The following NPTN variants were observed in gnomAD, a reference collection of about 807,000 sequenced individuals.
NPTN encodes the protein SDR-1.
NPTN carries 5 observed loss-of-function variants against 42.7 expected under a neutral mutation model. The ratio of observed to expected loss-of-function variants is 0.12; its 90% CI spans 0.06 to 0.25. The LOEUF (loss-of-function observed/expected upper bound fraction) is 0.25, where lower values mean the gene tolerates loss of function less well. Ranked by LOEUF, NPTN falls within the 10% of genes least tolerant of loss-of-function variation. NPTN has a pLI of 1.00. For missense variants in NPTN, 307 were observed against 525.4 expected, an observed-to-expected ratio of 0.58 and a Z score of 4.06; for synonymous variants, 180 against 201.9, an observed-to-expected ratio of 0.89 and a Z score of 0.92.
chr15:73,575,826 G>A (rs894433012), intron 4 of NPTN, among the ~76,000 whole-genome samples: 1 of 152,254 alleles, frequency 6.6e-6, no homozygotes, highest in African/African-American at 2.4e-5. Context: ...CACTGGGCAA[G>A]GCCCCAAGCT....
chr15:73,568,496 C>T (rs1024158256), intron 6 of NPTN: 1 of 985,230 alleles, frequency 1.0e-6, no homozygotes, highest in African/African-American at 1.7e-5. Context: ...GCTGAAAACA[C>T]ACGAAAGACA....
chr15:73,567,479 T>A, intron 6 of NPTN: 9 of 985,318 alleles, frequency 9.1e-6, no homozygotes, highest in Non-Finnish European at 1.1e-5. Context: ...TACGTATATA[T>A]CTATATGAAA....
At chr15:73,575,384 T>G (rs910565934) in intron 4 of NPTN, among the ~76,000 whole-genome samples, 2 of 152,356 alleles carry the variant, frequency 1.3e-5, no homozygotes, top group East Asian at 1.9e-4. Flanking sequence ...CCCAAAGTGT[T>G]GGGATTACAG....
chr15:73,613,263 T>G (rs1350158740), intron 1 of NPTN, among the ~76,000 whole-genome samples: 2 of 152,194 alleles, frequency 1.3e-5, no homozygotes, highest in African/African-American at 4.8e-5. Context: ...ATGTATCAAG[T>G]CCTCCAAAGC....
At chr15:73,618,133 C>T (rs1308662143) in intron 1 of NPTN, among the ~76,000 whole-genome samples, 3 of 152,180 alleles carry the variant, frequency 2.0e-5, no homozygotes, top group Admixed American at 6.5e-5. Flanking sequence ...CATTACTAGC[C>T]GCCTGCCTGG....
intron 1 of NPTN, among the ~76,000 whole-genome samples, chr15:73,627,342 G>A (rs1316133624): frequency 1.3e-5 from 2 of 152,174 alleles, no homozygotes; most frequent in Non-Finnish European, 2.9e-5. Flanking sequence ...TTCCATAATT[G>A]TTTCAGAAAT....
chr15:73,573,547 G>T, intron 5 of NPTN, 115 bp downstream of exon 5: 1 of 1,185,474 alleles, frequency 8.4e-7, no homozygotes. Context: ...TAGAAAGGGT[G>T]ACCCTCGCCA....
chr15:73,632,053 A>G (rs576740068), intron 1 of NPTN, among the ~76,000 whole-genome samples: 1 of 151,952 alleles, frequency 6.6e-6, no homozygotes, highest in South Asian at 2.1e-4. Context: ...CCACTTCCCC[A>G]TCTCCCTGTC....
chr15:73,602,717 G>T (rs1394968676), intron 1 of NPTN, among the ~76,000 whole-genome samples: 1 of 152,198 alleles, frequency 6.6e-6, no homozygotes, highest in Non-Finnish European at 1.5e-5. Context: ...GGGAGCAGAG[G>T]AAATGGGGTA....
At position 73,568,206 on chromosome 15, in the gene NPTN, G is replaced by T. The variant is rs189631979; in HGVS notation, c.1114+1944C>A. Reference sequence around the variant, plus strand: ...CTAACCTACCACATGCACTGTGATAGCAACCTCATAAGCGCGGTGACTTCT... The same window carrying T: ...CTAACCTACCACATGCACTGTGATATCAACCTCATAAGCGCGGTGACTTCT... On this transcript the variant is annotated intron_variant, in intron 6 of 8. Coordinates refer to ENST00000345330, the MANE Select transcript of NPTN (RefSeq NM_012428.4). 50 of 985,484 alleles carry T rather than the reference G, an allele frequency of 5.1e-5. No homozygotes were observed. In the East Asian group the frequency reaches 5.2e-3, roughly 103 times the overall value. 61.0% of individuals were successfully genotyped at this position (985,484 alleles called of 1,614,324 possible).
At chr15:73,625,988 T>C (rs1898384651) in intron 1 of NPTN, among the ~76,000 whole-genome samples, 1 of 152,224 alleles carries the variant, frequency 6.6e-6, no homozygotes, top group Admixed American at 6.5e-5. Flanking sequence ...ATCAAGGAAC[T>C]TGCTAGGATT....
chr15:73,594,508 G>T (rs56712926), intron 2 of NPTN, among the ~76,000 whole-genome samples: 53,865 of 152,082 alleles, frequency 0.35, 11,220 homozygotes, highest in Admixed American at 0.45. Context: ...GGGTTGTGGG[G>T]TAGGGTAACC....
chr15:73,606,828 A>G (rs987618563), intron 1 of NPTN, among the ~76,000 whole-genome samples: 5 of 152,224 alleles, frequency 3.3e-5, no homozygotes, highest in South Asian at 2.1e-4. Flanking sequence ...ACCAATATGT[A>G]GGCTTCTGAA....
intron 5 of NPTN, among the ~76,000 whole-genome samples, chr15:73,572,061 G>A (rs868093482): frequency 1.3e-5 from 2 of 152,074 alleles, no homozygotes; most frequent in Non-Finnish European, 2.9e-5. Flanking sequence ...TCTTCACCTC[G>A]GCAATCCTCA....
intron 6 of NPTN, chr15:73,567,782 T>C (rs995021548): frequency 6.1e-6 from 6 of 984,470 alleles, no homozygotes; most frequent in Non-Finnish European, 7.2e-6. Flanking sequence ...GAGTGGAGCC[T>C]GGCCCACACT....
At chr15:73,583,003 T>C (rs1213264033) in intron 4 of NPTN, among the ~76,000 whole-genome samples, 4 of 152,174 alleles carry the variant, frequency 2.6e-5, no homozygotes, top group East Asian at 3.9e-4. Flanking sequence ...TGTAAGTTAA[T>C]ACTTAACAAA....
intron 1 of NPTN, among the ~76,000 whole-genome samples, chr15:73,623,358 T>C (rs905999359): frequency 6.6e-6 from 1 of 152,192 alleles, no homozygotes; most frequent in Admixed American, 6.5e-5. Flanking sequence ...ATCATAGAAG[T>C]TTAGAGCTAG....
At chr15:73,619,062 CAAAAAAA>C (rs61683372) in intron 1 of NPTN, among the ~76,000 whole-genome samples, 1 of 61,166 alleles carries the variant, frequency 1.6e-5, no homozygotes, top group Admixed American at 2.0e-4. Flanking sequence ...GACCCTGTCT[CAAAAAAA>C]AAAAAAAAAA....
At chr15:73,619,015 T>C (rs1050233649) in intron 1 of NPTN, among the ~76,000 whole-genome samples, 1 of 141,110 alleles carries the variant, frequency 7.1e-6, no homozygotes, top group African/African-American at 2.7e-5. Context: ...GCTATGATCA[T>C]ACCACTGCAC....
Sources: allele counts gnomAD v4.1 joint callset (sites outside exome capture counted in the v4.1 genomes callset), GRCh38; gene constraint gnomAD v4.1.1; transcripts MANE v1.5; gene names NCBI Gene and HGNC (gene_info 2026-07-23, HGNC 2026-07-21).